ADAD1: variants seen among roughly 807,000 people sequenced by gnomAD.
ADAD1 encodes the protein adenosine deaminase domain-containing protein 1.
Under a neutral mutation model 66.8 loss-of-function variants are expected in ADAD1, and 46 were observed. That is an observed-to-expected ratio of 0.69 (90% CI 0.54 to 0.88). The LOEUF (loss-of-function observed/expected upper bound fraction) is 0.88. Among genes scored for constraint, ADAD1 ranks in the 40% least tolerant of loss-of-function variants. The pLI is 0.00. For synonymous variants in ADAD1, 248 were observed against 229.4 expected, an observed-to-expected ratio of 1.08 and a Z score of -0.73; for missense variants, 617 against 681.8, an observed-to-expected ratio of 0.91 and a Z score of 1.06.
At chr4:122,423,452 A>T (rs1196305888) in intron 12 of ADAD1, among the ~76,000 whole-genome samples, 1 of 152,228 alleles carries the variant, frequency 6.6e-6, no homozygotes, top group Admixed American at 6.5e-5. Flanking sequence ...TCAAGGATAC[A>T]AGCCAAGGGA....
At chr4:122,391,458 G>A (rs111457140) in intron 5 of ADAD1, among the ~76,000 whole-genome samples, 66 of 152,328 alleles carry the variant, frequency 4.3e-4, no homozygotes, top group African/African-American at 1.6e-3. Context: ...AGAACTACCA[G>A]GAAGAAAGGC....
intron 12 of ADAD1, among the ~76,000 whole-genome samples, chr4:122,426,959 G>T (rs1580818347): frequency 6.6e-6 from 1 of 152,164 alleles, no homozygotes; most frequent in East Asian, 1.9e-4. Flanking sequence ...CTCAGCACTT[G>T]TATTCAACAC....
intron 4 of ADAD1, 112 bp from the exon 5 acceptor site, chr4:122,383,687 T>C: frequency 8.3e-7 from 1 of 1,209,690 alleles, no homozygotes; most frequent in South Asian, 1.8e-5. Context: ...AGTTGGTGTT[T>C]ATGAGGTAGT....
intron 8 of ADAD1, among the ~76,000 whole-genome samples, chr4:122,410,321 G>A (rs1796411868): frequency 6.6e-6 from 1 of 151,972 alleles, no homozygotes; most frequent in African/African-American, 2.4e-5. Flanking sequence ...CCTGTGCTTG[G>A]CGTTTTTACA....
At chr4:122,420,836 C>A (rs9994827) in intron 11 of ADAD1, among the ~76,000 whole-genome samples, 12,951 of 152,158 alleles carry the variant, frequency 0.085, 1,876 homozygotes, top group African/African-American at 0.3. Context: ...GCCAAAACTT[C>A]TTGCAGTGAA....
chr4:122,382,240 G>A (rs965324763), intron 4 of ADAD1, among the ~76,000 whole-genome samples: 1 of 152,190 alleles, frequency 6.6e-6, no homozygotes, highest in African/African-American at 2.4e-5. Flanking sequence ...TAAAAAACAT[G>A]ACCTGTTGGT....
At position 122,380,063 on chromosome 4, in the gene ADAD1, T is replaced by C. The variant is rs1419819058; in HGVS notation, c.-7T>C. 1.2e-6 allele frequency: 2 copies of C among 1,609,428 alleles called. No individual in the cohort carries two copies. Among genetic ancestry groups the C allele is most frequent in the South Asian group, 1.1e-5 (1 of 90,030 alleles). On this transcript the variant is annotated splice_region_variant and 5_prime_UTR_variant, in exon 3 of 13. It removes the in-frame stop codon of an upstream open reading frame in the 5' UTR. Transcript: ENST00000296513. ...TGCCAATTTTATCGTGACCTCTAGGTGAGAAAATGGCTAGCAACAATCATT... is the reference window on the plus strand; with the variant it reads ...TGCCAATTTTATCGTGACCTCTAGGCGAGAAAATGGCTAGCAACAATCATT...
At chr4:122,397,008 G>GTT (rs1239399564) in intron 7 of ADAD1, among the ~76,000 whole-genome samples, 3 of 152,092 alleles carry the variant, frequency 2.0e-5, no homozygotes, top group African/African-American at 7.2e-5. Context: ...AAATGATAGG[G>GTT]TTTAGAATCT....
chr4:122,381,063 A>G lies in ADAD1; in HGVS notation c.244A>G (p.Ile82Val), dbSNP rs781691660. ...AAATCCTGTCCTTCCTCCAAAAAAA[A>G]TACCTAAGGAATTTATAATGAAATA... ...ISNPVLPPKKIPKEFIMKYKR... is the reference protein window; with the variant it reads ...ISNPVLPPKKVPKEFIMKYKR... Residue 82 changes from isoleucine (I) to valine (V), a missense_variant, in exon 4 of 13, where the codon ATA (isoleucine) becomes GTA (valine). Transcript: ENST00000296513. 8 of 1,603,152 alleles carry G rather than the reference A, an allele frequency of 5.0e-6. No individual in the cohort carries two copies. In the East Asian group the frequency reaches 1.8e-4, roughly 36 times the overall value.
chr4:122,383,767 A>C lies in ADAD1; in HGVS notation c.362-32A>C, dbSNP rs774615295. 3.9e-6 allele frequency: 6 copies of C among 1,554,178 alleles called. 1 individual carries two copies. In the South Asian group the frequency reaches 7.6e-5, roughly 20 times the overall value. On this transcript the variant is annotated intron_variant, in intron 4 of 12. Coordinates refer to ENST00000296513, the MANE Select transcript of ADAD1 (RefSeq NM_139243.4). ...TGTTTGCAAGAATATAATAAAAATT[A>C]TTGTAGCATTCATTCTGAGTTCTTT...
intron 5 of ADAD1, among the ~76,000 whole-genome samples, chr4:122,385,104 A>G (rs184657644): frequency 1.3e-5 from 2 of 152,294 alleles, no homozygotes; most frequent in East Asian, 3.9e-4. Context: ...AGAAGATAAG[A>G]GTTCAGTATT....
chr4:122,401,636 T>C (rs181446703), intron 7 of ADAD1, among the ~76,000 whole-genome samples: 3 of 152,286 alleles, frequency 2.0e-5, no homozygotes, highest in Admixed American at 2.0e-4. Flanking sequence ...CTATCTTTTT[T>C]CTTAGGTAGT....
intron 12 of ADAD1, among the ~76,000 whole-genome samples, chr4:122,426,825 A>T (rs191425213): frequency 2.4e-4 from 37 of 152,356 alleles, no homozygotes; most frequent in Admixed American, 1.1e-3. Flanking sequence ...AATAGAAGTG[A>T]ACTTCCTCAC....
intron 5 of ADAD1, among the ~76,000 whole-genome samples, chr4:122,386,052 A>G (rs1303410538): frequency 6.6e-6 from 1 of 152,214 alleles, no homozygotes; most frequent in East Asian, 1.9e-4. Context: ...CTTTGGATAT[A>G]TATCCAGTAA....
chr4:122,406,544 T>A, intron 7 of ADAD1, among the ~76,000 whole-genome samples: 1 of 152,308 alleles, frequency 6.6e-6, no homozygotes, highest in African/African-American at 2.4e-5. Flanking sequence ...TTTTGTTTGC[T>A]TTGTAGGAAG....
intron 7 of ADAD1, among the ~76,000 whole-genome samples, chr4:122,401,220 A>C (rs938007735): frequency 6.6e-6 from 1 of 152,102 alleles, no homozygotes; most frequent in Non-Finnish European, 1.5e-5. Context: ...GTTCAGTTCA[A>C]ATAATTTTTT....
At chr4:122,414,696 G>C (rs1049245548) in intron 10 of ADAD1, among the ~76,000 whole-genome samples, 2 of 152,024 alleles carry the variant, frequency 1.3e-5, no homozygotes, top group Non-Finnish European at 1.5e-5. Flanking sequence ...GACCTTCTGA[G>C]GAAGAAAGAG....
Position 122,412,675 on chromosome 4 carries a change from G to C in ADAD1, c.1115G>C (p.Cys372Ser), listed in dbSNP as rs1254665291. The C allele has an allele frequency of 1.9e-6, 3 of 1,613,886 alleles. No individual in the cohort carries two copies. Among genetic ancestry groups the C allele is most frequent in the Admixed American group, 3.3e-5 (2 of 60,004 alleles). ...VEGKIYLTVY[C>S]PKDGVNRISS... is the part of the protein sequence containing the mutation. Reference sequence around the variant, plus strand: ...GGCAAAATTTATCTGACTGTTTACTGTCCTAAAGATGGTGTTAATAGAATA... The same window carrying C: ...GGCAAAATTTATCTGACTGTTTACTCTCCTAAAGATGGTGTTAATAGAATA... Residue 372 changes from cysteine (C) to serine (S), a missense_variant, in exon 10 of 13, where the codon TGT (cysteine) becomes TCT (serine). Cys to Ser is a moderately radical substitution (Grantham distance 112). Transcript: ENST00000296513.
At chr4:122,379,227 G>A (rs1794747751) in intron 1 of ADAD1, 112 bp downstream of exon 1, 1 of 152,450 alleles carries the variant, frequency 6.6e-6, no homozygotes, top group African/African-American at 2.4e-5. Flanking sequence ...GGGGGGCACG[G>A]GACAGTAAGG....
Sources: allele counts gnomAD v4.1 joint callset (sites outside exome capture counted in the v4.1 genomes callset), GRCh38; gene constraint gnomAD v4.1.1; transcripts MANE v1.5; gene names NCBI Gene and HGNC (gene_info 2026-07-23, HGNC 2026-07-21).